Variants in SRL observed in about 807,000 individuals in gnomAD.
SRL encodes the protein sarcalumenin.
SRL carries 23 observed loss-of-function variants against 39.5 expected under a neutral mutation model. The ratio of observed to expected loss-of-function variants is 0.58; its 90% CI spans 0.42 to 0.82. The LOEUF (loss-of-function observed/expected upper bound fraction) is 0.82. Among genes scored for constraint, SRL ranks in the 40% least tolerant of loss-of-function variants. SRL has a pLI of 0.00. For missense variants in SRL, 592 were observed against 607.8 expected, an observed-to-expected ratio of 0.97 and a Z score of 0.27; for synonymous variants, 272 against 237.4, an observed-to-expected ratio of 1.15 and a Z score of -1.34.
At chr16:4,228,612 G>A (rs182667959) in intron 1 of SRL, among the ~76,000 whole-genome samples, 2 of 152,002 alleles carry the variant, frequency 1.3e-5, no homozygotes, top group Admixed American at 6.6e-5. Flanking sequence ...GCGGGCACCT[G>A]TAGTCCCAGC....
intron 1 of SRL, among the ~76,000 whole-genome samples, chr16:4,232,297 C>T (rs2052667821): frequency 6.6e-6 from 1 of 152,188 alleles, no homozygotes; most frequent in South Asian, 2.1e-4. Flanking sequence ...GAGAGCACTC[C>T]CGGTCTCTTG....
chr16:4,232,127 G>A (rs1419617292), intron 1 of SRL, among the ~76,000 whole-genome samples: 1 of 152,194 alleles, frequency 6.6e-6, no homozygotes, highest in Non-Finnish European at 1.5e-5. Flanking sequence ...GAGGGACTTG[G>A]TGGAGTGCTC....
intron 1 of SRL, among the ~76,000 whole-genome samples, chr16:4,231,587 C>G (rs2052660613): frequency 6.6e-6 from 1 of 152,160 alleles, no homozygotes. Context: ...CACTCTCAGG[C>G]TGCTTATTTT....
At position 4,195,758 on chromosome 16, in the gene SRL, C is replaced by T. The variant is rs756556657; in HGVS notation, c.405G>A (p.Thr135=). ...TGAEPTTSEF[T]VLMHGPKLKT... is the part of the protein sequence containing the mutation. ...TCAGCTTAGGCCCATGCATGAGGAC[C>T]GTGAACTCAGAGGTGGTGGGTTCAG... Residue 135 remains threonine (T), a synonymous_variant, in exon 5 of 6, where the codon ACG becomes ACA. Coordinates refer to ENST00000399609, the MANE Select transcript of SRL (RefSeq NM_001098814.2). 7 of 1,613,930 alleles carry T rather than the reference C, an allele frequency of 4.3e-6. No individual in the cohort carries two copies. Among genetic ancestry groups the T allele is most frequent in the Non-Finnish European group, 5.1e-6 (6 of 1,179,976 alleles).
At chr16:4,226,339 C>T (rs2052588618) in intron 1 of SRL, among the ~76,000 whole-genome samples, 1 of 150,984 alleles carries the variant, frequency 6.6e-6, no homozygotes, top group Non-Finnish European at 1.5e-5. Flanking sequence ...GATGGATGAA[C>T]AGACGAATGG....
intron 1 of SRL, among the ~76,000 whole-genome samples, chr16:4,237,352 C>A (rs1286089889): frequency 2.6e-5 from 4 of 152,156 alleles, no homozygotes; most frequent in African/African-American, 9.7e-5. Flanking sequence ...CCTCCCCTGG[C>A]CTGGCTCCCA....
Position 4,190,260 on chromosome 16 carries a change from C to T in SRL, c.*1893G>A. 2.5e-6 allele frequency: 1 copy of T among 398,952 alleles called. No individual in the cohort carries two copies. Among genetic ancestry groups the T allele is most frequent in the Non-Finnish European group, 4.4e-6 (1 of 226,294 alleles). 24.7% of individuals were successfully genotyped at this position (398,952 alleles called of 1,614,324 possible). On this transcript the variant is annotated 3_prime_UTR_variant, in exon 6 of 6. Transcript: ENST00000399609. Reference sequence around the variant, plus strand: ...TCTCCTCATAGACCTAACCTGACTGCCAACTGGCTTACCCTGCCTGACCTC... The same window carrying T: ...TCTCCTCATAGACCTAACCTGACTGTCAACTGGCTTACCCTGCCTGACCTC...
intron 3 of SRL, among the ~76,000 whole-genome samples, chr16:4,199,807 C>G (rs2052200868): frequency 6.6e-6 from 1 of 150,786 alleles, no homozygotes; most frequent in Non-Finnish European, 1.5e-5. Flanking sequence ...AGCCATTCTC[C>G]TGCCTCAGCC....
chr16:4,230,428 TGGA>T (rs2052646334), intron 1 of SRL, among the ~76,000 whole-genome samples: 1 of 150,852 alleles, frequency 6.6e-6, no homozygotes, highest in African/African-American at 2.4e-5. Context: ...TCGCCCAGGC[TGGA>T]GTATGGTGGT....
chr16:4,238,279 C>T (rs2052734146), intron 1 of SRL, among the ~76,000 whole-genome samples: 2 of 152,164 alleles, frequency 1.3e-5, no homozygotes, highest in African/African-American at 2.4e-5. Flanking sequence ...CCCCAGCCAC[C>T]TGCCTCATTC....
At chr16:4,204,313 C>T (rs1210679168) in intron 2 of SRL, among the ~76,000 whole-genome samples, 1 of 151,394 alleles carries the variant, frequency 6.6e-6, no homozygotes, top group Non-Finnish European at 1.5e-5. Flanking sequence ...ACCTGGAACC[C>T]CAAGGCTTGG....
chr16:4,210,486 C>CTTTTTTTTTTTTTTTTTTTTTTTTTTTT (rs555999418), intron 1 of SRL, among the ~76,000 whole-genome samples: 1 of 104,014 alleles, frequency 9.6e-6, no homozygotes, highest in Non-Finnish European at 1.8e-5. Context: ...TTACTCATAT[C>CTTTTTTTTTTTTTTTTTTTTTTTTTTTT]TTTTTTTTTT....
Position 4,190,086 on chromosome 16 carries a change from C to A in SRL, c.*2067G>T, listed in dbSNP as rs2052043068. The A allele has an allele frequency of 2.5e-6, 1 of 396,280 alleles. No individual in the cohort carries two copies. The highest frequency in any genetic ancestry group is 2.1e-5 in the African/African-American group (1 of 48,592). 24.5% of individuals were successfully genotyped at this position (396,280 alleles called of 1,614,324 possible). On this transcript the variant is annotated 3_prime_UTR_variant, in exon 6 of 6. Coordinates refer to ENST00000399609, the MANE Select transcript of SRL (RefSeq NM_001098814.2). ...ACTGTTCTTTCCTGGTCGACTCGTT[C>A]CTTGGAAACATTGTCCTGAGTGCCC...
At chr16:4,229,110 G>C (rs986391968) in intron 1 of SRL, among the ~76,000 whole-genome samples, 46 of 152,020 alleles carry the variant, frequency 3.0e-4, no homozygotes, top group African/African-American at 1.1e-3. Flanking sequence ...GAATCAAGAA[G>C]ATGTGGTACA....
At chr16:4,203,304 G>A (rs577460825) in intron 2 of SRL, 43 bp from the exon 3 acceptor site, 21 of 1,549,974 alleles carry the variant, frequency 1.4e-5, no homozygotes, top group African/African-American at 4.1e-5. Flanking sequence ...ACGCAGGTGC[G>A]ATCCAGGCAG....
intron 1 of SRL, among the ~76,000 whole-genome samples, chr16:4,208,518 C>T (rs555585300): frequency 2.0e-5 from 3 of 152,314 alleles, no homozygotes; most frequent in South Asian, 4.1e-4. Context: ...CAGCTGGGCT[C>T]AACCTTGGAG....
intron 1 of SRL, among the ~76,000 whole-genome samples, chr16:4,224,852 A>C (rs2052569640): frequency 6.6e-6 from 1 of 152,268 alleles, no homozygotes; most frequent in Non-Finnish European, 1.5e-5. Context: ...ACTGTCCATC[A>C]GTAGATCAAT....
chr16:4,226,679 T>A (rs1211034032), intron 1 of SRL, among the ~76,000 whole-genome samples: 2 of 151,016 alleles, frequency 1.3e-5, no homozygotes, highest in African/African-American at 4.9e-5. Context: ...GATGGATGGT[T>A]GAATGTGTGG....
chr16:4,226,950 G>A (rs1304764536), intron 1 of SRL, among the ~76,000 whole-genome samples: 1 of 151,630 alleles, frequency 6.6e-6, no homozygotes, highest in East Asian at 1.9e-4. Flanking sequence ...GTGGATGGAT[G>A]AGTAGATGCA....
Sources: gnomAD v4.1 joint callset for allele counts (sites outside exome capture counted in the v4.1 genomes callset) on GRCh38, gnomAD v4.1.1 for gene constraint, MANE v1.5 for transcripts, NCBI Gene and HGNC (gene_info 2026-07-23, HGNC 2026-07-21) for gene names.